CCDC88C: variants seen among roughly 807,000 people sequenced by gnomAD.
The protein encoded by CCDC88C is protein Daple.
Under a neutral mutation model 198.8 loss-of-function variants are expected in CCDC88C, and 131 were observed. The observed-to-expected ratio is 0.66, with a 90% CI of 0.57 to 0.76. The LOEUF is 0.76. Ranked by LOEUF, CCDC88C falls within the 30% of genes least tolerant of loss-of-function variation. The pLI, the probability that CCDC88C is intolerant of heterozygous loss-of-function variation, is 0.00. For missense variants in CCDC88C, 2,553 were observed against 2,631.6 expected (o/e 0.97, Z 0.65); for synonymous variants, 1,166 against 1,114.7 (o/e 1.05, Z -0.92).
In CCDC88C at chr14:91,393,845, C is replaced by G. The variant is rs558433654; in HGVS notation, c.270+14814G>C. On this transcript the variant is annotated intron_variant, in intron 3 of 29. Coordinates refer to ENST00000389857, the MANE Select transcript of CCDC88C (RefSeq NM_001080414.4). Reference sequence around the variant, plus strand: ...CTCCAGCCTGGGCGACAGAGCGAGACTCCGTCTCAAAAAAAAGAAATCAAC... The same window carrying G: ...CTCCAGCCTGGGCGACAGAGCGAGAGTCCGTCTCAAAAAAAAGAAATCAAC... 2.0e-5 allele frequency among the ~76,000 whole-genome samples: 3 copies of G among 152,316 alleles called. No individual in the cohort carries two copies. In the East Asian group the frequency reaches 5.8e-4, roughly 30 times the overall value.
intron 2 of CCDC88C, among the ~76,000 whole-genome samples, chr14:91,415,465 C>T (rs947892831): frequency 6.6e-6 from 1 of 152,144 alleles, no homozygotes; most frequent in Admixed American, 6.5e-5. Flanking sequence ...TGGCTCATGC[C>T]TGTAATCCCA....
rs925154520 is a variant in CCDC88C at position 91,325,506 on chromosome 14, C to T, written c.1197+404G>A. ...GCAGCAGCAACGGCAGTAGCAGCAA[C>T]AAACCCAGTAGCTAAACTATCAGAG... On this transcript the variant is annotated intron_variant, in intron 11 of 29. Transcript: ENST00000389857. The surrounding 1 kb of genome is among the most constrained non-coding windows in gnomAD (Gnocchi z 4.1). Among the ~76,000 whole-genome samples, 46 of 152,224 alleles carry T rather than the reference C, an allele frequency of 3.0e-4. No homozygotes were observed. Among genetic ancestry groups the T allele is most frequent in the African/African-American group, 1.1e-3 (44 of 41,460 alleles).
intron 3 of CCDC88C, among the ~76,000 whole-genome samples, chr14:91,391,080 C>T (rs1017163022): frequency 2.6e-5 from 4 of 152,170 alleles, no homozygotes; most frequent in East Asian, 1.9e-4. Context: ...CAACACCAAG[C>T]GCTTAACACA....
intron 3 of CCDC88C, chr14:91,379,054 G>C (rs192840396): frequency 1.3e-5 from 2 of 152,224 alleles, no homozygotes; most frequent in African/African-American, 2.4e-5. Flanking sequence ...TTTACTGCCG[G>C]AGAGTTTTTC....
intron 3 of CCDC88C, among the ~76,000 whole-genome samples, chr14:91,365,860 C>T (rs538511519): frequency 1.1e-3 from 164 of 152,136 alleles, no homozygotes; most frequent in African/African-American, 3.9e-3. Flanking sequence ...CGGTTCAGGA[C>T]GCTATGGCCA....
chr14:91,331,152 C>A (rs1432726418), intron 10 of CCDC88C, among the ~76,000 whole-genome samples: 2 of 151,672 alleles, frequency 1.3e-5, no homozygotes, highest in Non-Finnish European at 2.9e-5. Context: ...TGGCTCCAGA[C>A]TGGGGGAAAT....
intron 26 of CCDC88C, among the ~76,000 whole-genome samples, chr14:91,282,718 T>C (rs1890247077): frequency 6.6e-6 from 1 of 152,174 alleles, no homozygotes; most frequent in Admixed American, 6.5e-5. Flanking sequence ...TTGTTTTCAA[T>C]ACAGGACACC....
chr14:91,306,031 G>T (rs1404535850), intron 18 of CCDC88C, 105 bp from the exon 19 acceptor site: 7 of 1,209,312 alleles, frequency 5.8e-6, no homozygotes, highest in Admixed American at 4.2e-5. Flanking sequence ...ATGTTTTGGG[G>T]GCCAAATCGA....
At chr14:91,278,432 C>G (rs1419672606) in intron 28 of CCDC88C, among the ~76,000 whole-genome samples, 2 of 152,244 alleles carry the variant, frequency 1.3e-5, no homozygotes, top group Non-Finnish European at 2.9e-5. Context: ...TGGAAAGCTT[C>G]TGCTGAAGTT....
At chr14:91,348,322 T>TTAAA (rs34890400) in intron 4 of CCDC88C, among the ~76,000 whole-genome samples, 1 of 117,896 alleles carries the variant, frequency 8.5e-6, no homozygotes, top group Non-Finnish European at 1.7e-5. Context: ...CTATCTCTAT[T>TTAAA]AAAAAAAAAA....
At chr14:91,353,094 G>A (rs1460188006) in intron 4 of CCDC88C, among the ~76,000 whole-genome samples, 1 of 152,210 alleles carries the variant, frequency 6.6e-6, no homozygotes, top group East Asian at 1.9e-4. Context: ...TACTGAGAGG[G>A]TTAAATATTA....
intron 26 of CCDC88C, 122 bp downstream of exon 26, chr14:91,283,207 C>T (rs866523766): frequency 2.0e-6 from 2 of 996,028 alleles, no homozygotes; most frequent in Middle Eastern, 3.2e-4. Flanking sequence ...GCAGCCTCAC[C>T]CCTCTACTCA....
rs553683006 is a variant in CCDC88C, at chr14:91,322,117, C to T, written c.1343-813G>A. Among the ~76,000 whole-genome samples, 3 of 152,162 alleles carry T rather than the reference C, an allele frequency of 2.0e-5. No individual in the cohort carries two copies. In the East Asian group the frequency reaches 5.8e-4, roughly 29 times the overall value. ...TCTTAAGAAAGGAGCCCGGTTCTTCCCCCCTTCATTTACCCAACCCAGTGC... is the reference window on the plus strand; with the variant it reads ...TCTTAAGAAAGGAGCCCGGTTCTTCTCCCCTTCATTTACCCAACCCAGTGC... On this transcript the variant is annotated intron_variant, in intron 12 of 29. Coordinates refer to ENST00000389857, the MANE Select transcript of CCDC88C (RefSeq NM_001080414.4).
chr14:91,282,209 T>C (rs1890228163), intron 26 of CCDC88C, among the ~76,000 whole-genome samples: 1 of 152,198 alleles, frequency 6.6e-6, no homozygotes, highest in Non-Finnish European at 1.5e-5. Flanking sequence ...GAGGGTCCCT[T>C]GAGGTCAGGA....
intron 19 of CCDC88C, 29 bp from the exon 20 acceptor site, chr14:91,304,007 G>A (rs375260105): frequency 1.9e-6 from 3 of 1,587,442 alleles, no homozygotes; most frequent in Non-Finnish European, 2.6e-6. Context: ...GCGGCGTGGC[G>A]CAGGCCCCAC....
In CCDC88C at chr14:91,338,058, T is replaced by C; in HGVS notation, c.997A>G (p.Thr333Ala). ...NRVERLELELTRCKEKLHDVD... is the reference protein window; with the variant it reads ...NRVERLELELARCKEKLHDVD... Reference sequence around the variant, plus strand: ...TCGTGCAGCTTCTCCTTGCAGCGGGTCAGCTCCAGCTCCAGCCTCTCCACG... The same window carrying C: ...TCGTGCAGCTTCTCCTTGCAGCGGGCCAGCTCCAGCTCCAGCCTCTCCACG... Residue 333 changes from threonine (T) to alanine (A), a missense_variant, in exon 10 of 30, where the codon ACC becomes GCC. Around this residue, in one of 2 missense-constraint regions of CCDC88C, gnomAD observed 1,260 missense variants for 1,412.0 expected, o/e 0.89. Coordinates refer to ENST00000389857, the MANE Select transcript of CCDC88C (RefSeq NM_001080414.4). This position sits in a 1 kb window ranked among gnomAD's most constrained non-coding sequence, Gnocchi z 4.8. 6.2e-7 allele frequency: 1 copy of C among 1,613,674 alleles called. No individual in the cohort carries two copies. The highest frequency in any genetic ancestry group is 8.5e-7 in the Non-Finnish European group (1 of 1,179,886).
intron 29 of CCDC88C, among the ~76,000 whole-genome samples, chr14:91,276,202 G>T (rs543984396): frequency 6.6e-6 from 1 of 152,328 alleles, no homozygotes; most frequent in East Asian, 1.9e-4. Flanking sequence ...TTCTCAGCGA[G>T]CCCAACCTCA....
chr14:91,389,697 C>T (rs1295356646), intron 3 of CCDC88C, among the ~76,000 whole-genome samples: 1 of 136,544 alleles, frequency 7.3e-6, no homozygotes, highest in Non-Finnish European at 1.5e-5. Context: ...CTGGGCAACA[C>T]AGCAAGACCC....
At chr14:91,289,687 G>A (rs1053112679) in intron 24 of CCDC88C, among the ~76,000 whole-genome samples, 5 of 152,190 alleles carry the variant, frequency 3.3e-5, no homozygotes, top group Admixed American at 2.6e-4. Flanking sequence ...TTCTGCTAAA[G>A]TTAATAATCA....
Sources: allele counts gnomAD v4.1 joint callset (sites outside exome capture counted in the v4.1 genomes callset), GRCh38; gene constraint gnomAD v4.1.1; regional missense constraint gnomAD v4.1.1; non-coding constraint Gnocchi (gnomAD v3.1); transcripts MANE v1.5; gene names NCBI Gene and HGNC (gene_info 2026-07-23, HGNC 2026-07-21).